MBNL2: variants seen among roughly 807,000 people sequenced by gnomAD.
MBNL2 encodes the protein muscleblind-like protein 2.
Under a neutral mutation model 41.9 loss-of-function variants are expected in MBNL2, and 17 were observed. The observed-to-expected ratio is 0.41, with a 90% CI of 0.28 to 0.61. The LOEUF is 0.61. Among genes scored for constraint, MBNL2 ranks in the 20% least tolerant of loss-of-function variants. The pLI is 0.35. For synonymous variants in MBNL2, 195 were observed against 182.9 expected (o/e 1.07, Z -0.53); for missense variants, 336 against 505.6 (o/e 0.66, Z 3.22).
the MBNL2 span, among the ~76,000 whole-genome samples, chr13:97,159,934 A>G: frequency 6.6e-6 from 1 of 151,888 alleles, no homozygotes; most frequent in Non-Finnish European, 1.5e-5. Flanking sequence ...CTGAATCTGA[A>G]TGTTGGCCTG....
the MBNL2 span, among the ~76,000 whole-genome samples, chr13:97,191,253 G>A: frequency 3.3e-5 from 5 of 151,550 alleles, no homozygotes; most frequent in Admixed American, 1.3e-4. Context: ...GTGTGCACTG[G>A]GGTGGAGCCA....
chr13:97,188,449 A>G, the MBNL2 span, among the ~76,000 whole-genome samples: 6 of 152,096 alleles, frequency 3.9e-5, no homozygotes, highest in Non-Finnish European at 8.8e-5. Flanking sequence ...TTTCCCCTGC[A>G]TTTCTGTTCA....
intron 2 of MBNL2, among the ~76,000 whole-genome samples, chr13:97,324,344 C>T (rs745598496): frequency 1.3e-5 from 2 of 152,120 alleles, no homozygotes; most frequent in African/African-American, 4.8e-5. Flanking sequence ...ATGCACCCGT[C>T]GTATGAGGTT....
At chr13:97,370,405 C>T (rs2064250180) in intron 8 of MBNL2, among the ~76,000 whole-genome samples, 1 of 152,110 alleles carries the variant, frequency 6.6e-6, no homozygotes, top group Admixed American at 6.5e-5. Flanking sequence ...CGCAGTGGCT[C>T]ATGTCTGTAA....
rs376967986 is a variant in MBNL2 at position 97,233,126 on chromosome 13, CATATATATATATAT to C, written c.-605+10632_-605+10645del. Among the ~76,000 whole-genome samples, 231 of 39,778 alleles carry C rather than the reference CATATATATATATAT, an allele frequency of 5.8e-3. 2 individuals carry two copies. Among genetic ancestry groups the C allele is most frequent in the Middle Eastern group, 0.014 (1 of 70 alleles). The allele number at this position is 39,778 out of a possible 152,430, so 26.1% of individuals were successfully genotyped here. Reference sequence around the variant, plus strand: ...GATGCTCTCGCTTCAGGCTCTTTTTCATATATATATATATATATATATATATATATATATATATA... The same window carrying C: ...GATGCTCTCGCTTCAGGCTCTTTTTCATATATATATATATATATATATATA... On this transcript the variant is annotated intron_variant, in intron 1 of 8. Transcript: ENST00000679496.
At chr13:97,232,862 T>C (rs1276070780) in intron 1 of MBNL2, among the ~76,000 whole-genome samples, 1 of 134,668 alleles carries the variant, frequency 7.4e-6, no homozygotes, top group Non-Finnish European at 1.6e-5. Flanking sequence ...TGTGTGTGTG[T>C]GTGTGTGTGT....
chr13:97,386,640 C>T (rs958246012), intron 8 of MBNL2, among the ~76,000 whole-genome samples: 86 of 152,180 alleles, frequency 5.7e-4, no homozygotes, highest in African/African-American at 2.0e-3. Context: ...TAAATGGCTG[C>T]TCATAACATA....
the MBNL2 span, among the ~76,000 whole-genome samples, chr13:97,213,968 T>C: frequency 6.6e-6 from 1 of 152,218 alleles, no homozygotes; most frequent in African/African-American, 2.4e-5. Context: ...GACAATGTCT[T>C]CATCAGGCAG....
At chr13:97,375,977 C>T (rs1006172791) in intron 8 of MBNL2, among the ~76,000 whole-genome samples, 1 of 151,846 alleles carries the variant, frequency 6.6e-6, no homozygotes, top group Non-Finnish European at 1.5e-5. Context: ...ATCAGAAGGT[C>T]GGGTTATGGA....
intron 2 of MBNL2, among the ~76,000 whole-genome samples, chr13:97,320,497 C>T (rs2059412902): frequency 6.6e-6 from 1 of 151,572 alleles, no homozygotes; most frequent in Admixed American, 6.6e-5. Context: ...ACCTCATGAT[C>T]CACCCACCTC....
intron 2 of MBNL2, among the ~76,000 whole-genome samples, chr13:97,293,172 G>A (rs192354224): frequency 5.3e-5 from 8 of 151,126 alleles, no homozygotes; most frequent in South Asian, 2.1e-4. Flanking sequence ...TTCTTTTTTC[G>A]TTGAAGTATT....
intron 2 of MBNL2, among the ~76,000 whole-genome samples, chr13:97,313,441 A>T (rs750667314): frequency 6.6e-6 from 1 of 152,198 alleles, no homozygotes; most frequent in Non-Finnish European, 1.5e-5. Flanking sequence ...CATCCCATCA[A>T]ATTTTTTAAA....
At chr13:97,252,471 A>G (rs1449587840) in intron 1 of MBNL2, among the ~76,000 whole-genome samples, 1 of 152,234 alleles carries the variant, frequency 6.6e-6, no homozygotes, top group Non-Finnish European at 1.5e-5. Flanking sequence ...AAATTAATTT[A>G]GTAAGAACTA....
intron 2 of MBNL2, among the ~76,000 whole-genome samples, chr13:97,292,131 G>T (rs1039493921): frequency 4.0e-5 from 6 of 148,794 alleles, no homozygotes; most frequent in African/African-American, 7.5e-5. Context: ...AACCCGGGAC[G>T]CGGAGCTTGA....
intron 1 of MBNL2, among the ~76,000 whole-genome samples, chr13:97,226,875 C>T (rs1313840770): frequency 2.6e-5 from 4 of 151,960 alleles, no homozygotes; most frequent in African/African-American, 4.8e-5. Flanking sequence ...GCTGTAAATA[C>T]CAGCCAACAA....
Position 97,362,489 on chromosome 13 carries a change from G to A in MBNL2, c.1013-2647G>A, listed in dbSNP as rs570040167. 1.7e-4 allele frequency among the ~76,000 whole-genome samples: 26 copies of A among 152,198 alleles called. 1 individual carries two copies. The highest frequency in any genetic ancestry group is 1.2e-3 in the Admixed American group (19 of 15,284). ...GGGTGAAGATTATTCTAGGCCAAGG[G>A]GACAGCTTGTGGGAAGTTCAAAAAT... is the stretch of plus-strand genomic sequence containing the variant. On this transcript the variant is annotated intron_variant, in intron 7 of 8. Transcript: ENST00000679496.
intron 1 of MBNL2, among the ~76,000 whole-genome samples, chr13:97,228,019 A>C (rs776670584): frequency 6.6e-6 from 1 of 152,168 alleles, no homozygotes; most frequent in Non-Finnish European, 1.5e-5. Context: ...CAAAGCATTC[A>C]ATTTTCCCAT....
the MBNL2 span, among the ~76,000 whole-genome samples, chr13:97,206,371 C>G: frequency 6.6e-6 from 1 of 151,966 alleles, no homozygotes; most frequent in Non-Finnish European, 1.5e-5. Context: ...GATCTCTCAG[C>G]TTTCCTTCAG....
chr13:97,291,961 G>C (rs1483161170), intron 2 of MBNL2, among the ~76,000 whole-genome samples: 3 of 148,174 alleles, frequency 2.0e-5, no homozygotes, highest in African/African-American at 7.6e-5. Flanking sequence ...CCAGCACTTC[G>C]GGAGGCCGAG....
Sources: allele counts gnomAD v4.1 joint callset (sites outside exome capture counted in the v4.1 genomes callset), GRCh38; gene constraint gnomAD v4.1.1; transcripts MANE v1.5; gene names NCBI Gene and HGNC (gene_info 2026-07-23, HGNC 2026-07-21).